The following APBA1 variants were observed in gnomAD, a reference collection of about 807,000 sequenced individuals.
APBA1 encodes the protein amyloid-beta A4 precursor protein-binding family A member 1.
APBA1 carries 55 observed loss-of-function variants against 86.6 expected under a neutral mutation model. The observed-to-expected ratio is 0.64, with a 90% confidence interval of 0.51 to 0.80. APBA1 has a LOEUF of 0.80. APBA1 is among the 30% of genes least tolerant of loss of function. APBA1 has a pLI of 0.00. For missense variants in APBA1, 1,090 were observed against 1,183.0 expected, an observed-to-expected ratio of 0.92 and a Z score of 1.15; for synonymous variants, 511 against 493.9, an observed-to-expected ratio of 1.03 and a Z score of -0.46.
In APBA1 at chr9:69,501,803, C is replaced by G. The variant is rs1165729138; in HGVS notation, c.1200+14208G>C. Among the ~76,000 whole-genome samples, 2 of 152,008 alleles carry G rather than the reference C, an allele frequency of 1.3e-5. 1 individual carries two copies. ...GGATTGTATCCTTGCACTCTAGCCT[C>G]GGTCACAGAGTGAGATTGTCTCTAA... On this transcript the variant is annotated intron_variant, in intron 2 of 12. Transcript: ENST00000265381.
At chr9:69,496,769 G>T (rs1835805198) in intron 2 of APBA1, among the ~76,000 whole-genome samples, 1 of 152,006 alleles carries the variant, frequency 6.6e-6, no homozygotes, top group Non-Finnish European at 1.5e-5. Context: ...AAATCTTGGG[G>T]TGTTGATTCT....
chr9:69,471,763 CA>C, intron 3 of APBA1, 68 bp from the exon 4 acceptor site: 1 of 1,251,242 alleles, frequency 8.0e-7, no homozygotes, highest in Non-Finnish European at 1.2e-6. Context: ...CACAATCATC[CA>C]TGCAACATGA....
intron 1 of APBA1, among the ~76,000 whole-genome samples, chr9:69,671,735 C>G (rs1823952172): frequency 6.6e-6 from 1 of 152,156 alleles, no homozygotes; most frequent in Non-Finnish European, 1.5e-5. Context: ...CACATTCTTT[C>G]TCCAGGAGAG....
At chr9:69,452,606 C>T (rs1214856259) in intron 8 of APBA1, among the ~76,000 whole-genome samples, 1 of 152,250 alleles carries the variant, frequency 6.6e-6, no homozygotes, top group Non-Finnish European at 1.5e-5. Flanking sequence ...ATGAGTCATT[C>T]TATACCCTGC....
chr9:69,646,586 C>A (rs1445276558), intron 1 of APBA1, among the ~76,000 whole-genome samples: 1 of 152,108 alleles, frequency 6.6e-6, no homozygotes, highest in African/African-American at 2.4e-5. Context: ...TGGCTTCAAG[C>A]CTTCCTTGCT....
Position 69,516,452 on chromosome 9 carries a change from G to C in APBA1, c.759C>G (p.Ala253=), listed in dbSNP as rs542436209. ...DGESDSPEKE[A]EFAPYPRMDS... ...CCATGCGCGGGTAGGGCGCGAACTC[G>C]GCCTCCTTCTCGGGGCTGTCGGACT... The change falls in exon 2 of 13, where the codon GCC becomes GCG. Residue 253 remains alanine (A), a synonymous_variant. Coordinates refer to ENST00000265381, the MANE Select transcript of APBA1 (RefSeq NM_001163.4). This position sits in a 1 kb window ranked among gnomAD's most constrained non-coding sequence, Gnocchi z 7.3. 4 of 1,603,616 alleles carry C rather than the reference G, an allele frequency of 2.5e-6. No individual in the cohort carries two copies. The highest frequency in any genetic ancestry group is 1.7e-6 in the Non-Finnish European group (2 of 1,178,694).
At chr9:69,633,363 G>A (rs538010121) in intron 1 of APBA1, among the ~76,000 whole-genome samples, 5 of 152,052 alleles carry the variant, frequency 3.3e-5, no homozygotes, top group African/African-American at 4.8e-5. Flanking sequence ...ACATACAGCC[G>A]TGCAAAACAT....
chr9:69,570,462 T>C (rs1837097765), intron 1 of APBA1, among the ~76,000 whole-genome samples: 1 of 152,252 alleles, frequency 6.6e-6, no homozygotes, highest in Admixed American at 6.5e-5. Flanking sequence ...ATATCCTTTC[T>C]CTTGAATTCA....
At chr9:69,641,532 T>C (rs1823286470) in intron 1 of APBA1, among the ~76,000 whole-genome samples, 1 of 152,176 alleles carries the variant, frequency 6.6e-6, no homozygotes, top group Non-Finnish European at 1.5e-5. Context: ...AGTGTGATAT[T>C]AACACAGGAT....
In APBA1 at chr9:69,558,561, C is replaced by CATATAT. The variant is rs371494520; in HGVS notation, c.-69-41288_-69-41283dup. Among the ~76,000 whole-genome samples, 659 of 142,846 alleles carry CATATAT rather than the reference C, an allele frequency of 4.6e-3. 1 individual carries two copies. Among genetic ancestry groups the CATATAT allele is most frequent in the African/African-American group, 0.017 (626 of 35,900 alleles). The allele number at this position is 142,846 out of a possible 152,430, so 93.7% of individuals were successfully genotyped here. A position where few individuals can be genotyped will look rare whatever the true frequency, so the allele number is the denominator to read the frequency against. On this transcript the variant is annotated intron_variant, in intron 1 of 12. Transcript: ENST00000265381. ...ACACACACATACACACACACACACA[C>CATATAT]ATATATATATATATATATATACACA...
intron 9 of APBA1, 43 bp from the exon 10 acceptor site, chr9:69,449,839 T>C (rs1384791648): frequency 2.6e-6 from 4 of 1,556,754 alleles, no homozygotes; most frequent in Non-Finnish European, 3.5e-6. Context: ...TCAGTGACCA[T>C]CTGGGGTAGG....
At chr9:69,526,658 T>G (rs1836346934) in intron 1 of APBA1, among the ~76,000 whole-genome samples, 1 of 152,064 alleles carries the variant, frequency 6.6e-6, no homozygotes, top group African/African-American at 2.4e-5. Flanking sequence ...GAAAGCAGTT[T>G]GGAGATTTCT....
intron 1 of APBA1, among the ~76,000 whole-genome samples, chr9:69,646,913 C>G (rs953480962): frequency 2.0e-5 from 3 of 152,194 alleles, no homozygotes; most frequent in Admixed American, 6.5e-5. Flanking sequence ...TCAGTGCCCT[C>G]CATGAATAAG....
intron 1 of APBA1, among the ~76,000 whole-genome samples, chr9:69,525,137 CA>C (rs1409875831): frequency 1.3e-5 from 2 of 152,090 alleles, no homozygotes; most frequent in Admixed American, 6.6e-5. Flanking sequence ...ACTAAATGGG[CA>C]AAAACTGGAA....
chr9:69,484,880 T>G (rs958260660), intron 2 of APBA1, among the ~76,000 whole-genome samples: 11 of 152,170 alleles, frequency 7.2e-5, no homozygotes, highest in African/African-American at 2.7e-4. Context: ...CACCCAATGC[T>G]TTCTTCATTT....
At position 69,459,330 on chromosome 9, in the gene APBA1, C is replaced by T. The variant is rs543433039; in HGVS notation, c.1483-1142G>A. 7.9e-5 allele frequency among the ~76,000 whole-genome samples: 12 copies of T among 152,338 alleles called. No individual in the cohort carries two copies. The South Asian group carries it at 2.5e-3, about 32-fold the overall frequency. ...AATTAAGGTGGTTAACAGTATTGTT[C>T]AAACCTTCTATATACTTGCTGGTTC... is the stretch of plus-strand genomic sequence containing the variant. On this transcript the variant is annotated intron_variant, in intron 5 of 12. Coordinates refer to ENST00000265381, the MANE Select transcript of APBA1 (RefSeq NM_001163.4).
At chr9:69,439,611 T>C (rs890275865) in intron 11 of APBA1, among the ~76,000 whole-genome samples, 8 of 152,198 alleles carry the variant, frequency 5.3e-5, no homozygotes, top group Non-Finnish European at 8.8e-5. Context: ...GTCACATTCT[T>C]GTAGTGTGGT....
intron 1 of APBA1, among the ~76,000 whole-genome samples, chr9:69,572,521 C>T (rs1430828960): frequency 6.6e-6 from 1 of 152,152 alleles, no homozygotes; most frequent in Non-Finnish European, 1.5e-5. Context: ...GTGTATTGTT[C>T]CCTTTCTAGA....
chr9:69,611,196 A>G (rs1233181958), intron 1 of APBA1, among the ~76,000 whole-genome samples: 1 of 150,982 alleles, frequency 6.6e-6, no homozygotes, highest in African/African-American at 2.4e-5. Flanking sequence ...CATATCAAAC[A>G]GGTCAAAATC....
Sources: gnomAD v4.1 joint callset for allele counts (sites outside exome capture counted in the v4.1 genomes callset) on GRCh38, gnomAD v4.1.1 for gene constraint, Gnocchi (gnomAD v3.1) non-coding constraint, MANE v1.5 for transcripts, NCBI Gene and HGNC (gene_info 2026-07-23, HGNC 2026-07-21) for gene names.